LRMDA: variants seen among roughly 807,000 people sequenced by gnomAD.
The protein encoded by LRMDA is leucine-rich melanocyte differentiation-associated protein.
Under a neutral mutation model 29.8 loss-of-function variants are expected in LRMDA, and 18 were observed. That is an observed-to-expected ratio of 0.60 (90% CI 0.42 to 0.90). LRMDA has a LOEUF of 0.90. Among genes scored for constraint, LRMDA ranks in the 40% least tolerant of loss-of-function variants. The pLI is 0.00. For synonymous variants in LRMDA, 125 were observed against 109.4 expected (o/e 1.14, Z -0.89); for missense variants, 273 against 273.9 (o/e 1.00, Z 0.02).
At chr10:75,734,543 A>T (rs1424895789) in intron 2 of LRMDA, among the ~76,000 whole-genome samples, 2 of 152,210 alleles carry the variant, frequency 1.3e-5, no homozygotes, top group African/African-American at 2.4e-5. Context: ...ATATCAATAT[A>T]TAAGGAATTA....
At chr10:76,001,789 T>C (rs767553554) in intron 2 of LRMDA, among the ~76,000 whole-genome samples, 1 of 152,188 alleles carries the variant, frequency 6.6e-6, no homozygotes, top group Non-Finnish European at 1.5e-5. Context: ...TAGCTCCTCA[T>C]GGATGAAAGG....
chr10:75,955,942 T>A (rs906456743), intron 2 of LRMDA, among the ~76,000 whole-genome samples: 3 of 152,230 alleles, frequency 2.0e-5, no homozygotes, highest in African/African-American at 2.4e-5. Context: ...TTATTAGTTA[T>A]CTATTGCAAT....
chr10:75,868,734 A>G (rs1179018871), intron 2 of LRMDA, among the ~76,000 whole-genome samples: 2 of 152,156 alleles, frequency 1.3e-5, no homozygotes, highest in Admixed American at 1.3e-4. Context: ...TGAAGGGATC[A>G]CATGCAGTTT....
intron 2 of LRMDA, among the ~76,000 whole-genome samples, chr10:75,853,287 C>T (rs1844763867): frequency 1.3e-5 from 2 of 152,146 alleles, no homozygotes; most frequent in African/African-American, 4.8e-5. Flanking sequence ...CCCAATTCCC[C>T]TAGTGGCCAG....
intron 5 of LRMDA, among the ~76,000 whole-genome samples, chr10:76,200,613 T>G (rs1056004002): frequency 6.6e-6 from 1 of 152,218 alleles, no homozygotes; most frequent in South Asian, 2.1e-4. Context: ...AGCAATAGTC[T>G]TATTGCTAAT....
At chr10:76,439,482 G>A (rs1044679214) in intron 6 of LRMDA, among the ~76,000 whole-genome samples, 91 of 152,272 alleles carry the variant, frequency 6.0e-4, no homozygotes, top group Non-Finnish European at 1.0e-4. Flanking sequence ...TGCACTGCTT[G>A]ATCCTTAGCA....
intron 2 of LRMDA, among the ~76,000 whole-genome samples, chr10:75,569,157 C>G (rs1840407344): frequency 6.6e-6 from 1 of 152,140 alleles, no homozygotes; most frequent in Non-Finnish European, 1.5e-5. Flanking sequence ...TCTTTTTTCT[C>G]TCTTTCTCTG....
intron 6 of LRMDA, among the ~76,000 whole-genome samples, chr10:76,552,299 G>A (rs751634638): frequency 6.6e-5 from 10 of 152,242 alleles, no homozygotes; most frequent in African/African-American, 2.4e-4. Flanking sequence ...GCCAAAGCCA[G>A]TGGGATACAG....
At chr10:75,968,424 C>G (rs946730264) in intron 2 of LRMDA, among the ~76,000 whole-genome samples, 1 of 152,202 alleles carries the variant, frequency 6.6e-6, no homozygotes, top group African/African-American at 2.4e-5. Flanking sequence ...GCAGGCTTCT[C>G]TCTAAAGCTT....
chr10:76,132,966 CTTTTTTTTTTTTTTT>C (rs35997711), intron 5 of LRMDA, among the ~76,000 whole-genome samples: 1 of 57,372 alleles, frequency 1.7e-5, no homozygotes, highest in Admixed American at 2.5e-4. Context: ...CCACGCCCGG[CTTTTTTTTTTTTTTT>C]TTTTTTTTTT....
intron 2 of LRMDA, among the ~76,000 whole-genome samples, chr10:75,452,814 A>T (rs1844475700): frequency 6.6e-6 from 1 of 152,194 alleles, no homozygotes. Flanking sequence ...TTCCAACTGC[A>T]TTAAAAAAGC....
chr10:76,409,288 C>A (rs1489764703), intron 6 of LRMDA, among the ~76,000 whole-genome samples: 2 of 152,034 alleles, frequency 1.3e-5, no homozygotes, highest in African/African-American at 4.8e-5. Context: ...AAGTATTAGC[C>A]CTTTTATGCC....
chr10:76,270,412 G>A (rs1488990171), intron 5 of LRMDA: 1 of 152,344 alleles, frequency 6.6e-6, no homozygotes, highest in Admixed American at 6.5e-5. Context: ...TCAGGAATCA[G>A]TGTCTTGTGT....
chr10:75,979,104 T>G (rs1266688934), intron 2 of LRMDA, among the ~76,000 whole-genome samples: 1 of 152,212 alleles, frequency 6.6e-6, no homozygotes, highest in Non-Finnish European at 1.5e-5. Context: ...CTTATAAAGC[T>G]CTAAGAATAG....
intron 6 of LRMDA, among the ~76,000 whole-genome samples, chr10:76,344,751 A>G (rs970989353): frequency 6.6e-6 from 1 of 152,138 alleles, no homozygotes; most frequent in African/African-American, 2.4e-5. Context: ...AGAAATTTGT[A>G]TATGGTAAAG....
At chr10:76,446,676 G>A (rs556145629) in intron 6 of LRMDA, among the ~76,000 whole-genome samples, 82 of 152,128 alleles carry the variant, frequency 5.4e-4, no homozygotes, top group African/African-American at 1.9e-3. Flanking sequence ...CTATGTAATT[G>A]TGTGATTCCT....
chr10:75,537,677 G>A (rs1839965774), intron 2 of LRMDA, among the ~76,000 whole-genome samples: 1 of 152,224 alleles, frequency 6.6e-6, no homozygotes, highest in Non-Finnish European at 1.5e-5. Context: ...TGGGTTGCTT[G>A]GGGGCCGGGG....
chr10:76,430,598 G>A (rs1389130054), intron 6 of LRMDA, among the ~76,000 whole-genome samples: 2 of 152,152 alleles, frequency 1.3e-5, no homozygotes, highest in African/African-American at 4.8e-5. Context: ...TTGTCTCCTG[G>A]AGCTCTACTG....
At chr10:75,608,643 A>G (rs1228705525) in intron 2 of LRMDA, among the ~76,000 whole-genome samples, 1 of 152,154 alleles carries the variant, frequency 6.6e-6, no homozygotes, top group African/African-American at 2.4e-5. Context: ...ACAAAACCCA[A>G]GAGCCATACA....
Sources: gnomAD v4.1 joint callset for allele counts (sites outside exome capture counted in the v4.1 genomes callset) on GRCh38, gnomAD v4.1.1 for gene constraint, MANE v1.5 for transcripts, NCBI Gene and HGNC (gene_info 2026-07-23, HGNC 2026-07-21) for gene names.